EGFR: variants seen among roughly 807,000 people sequenced by gnomAD.
EGFR encodes the protein epidermal growth factor receptor.
A neutral mutation model predicts 143.0 loss-of-function variants in EGFR; 58 were observed. That is an observed-to-expected ratio of 0.41 (90% CI 0.33 to 0.50). The LOEUF is 0.50. Among genes scored for constraint, EGFR ranks in the 20% least tolerant of loss-of-function variants. The probability of loss-of-function intolerance (pLI) is 0.39; values close to 1 mark genes in which losing one functional copy is unlikely to be tolerated. For missense variants in EGFR, 1,307 were observed against 1,579.0 expected, an observed-to-expected ratio of 0.83 and a Z score of 2.92; for synonymous variants, 613 against 594.4, an observed-to-expected ratio of 1.03 and a Z score of -0.45.
intron 1 of EGFR, among the ~76,000 whole-genome samples, chr7:55,066,955 C>T (rs1789541206): frequency 6.6e-6 from 1 of 152,224 alleles, no homozygotes; most frequent in African/African-American, 2.4e-5. Context: ...GGATGCTGAG[C>T]TGGTCACTTG....
intron 27 of EGFR, among the ~76,000 whole-genome samples, chr7:55,204,550 A>G (rs1788022444): frequency 6.8e-6 from 1 of 146,078 alleles, no homozygotes; most frequent in Admixed American, 6.8e-5. Context: ...ATACACACAC[A>G]CATACACACC....
At chr7:55,120,814 C>T (rs1171045406) in intron 1 of EGFR, among the ~76,000 whole-genome samples, 1 of 152,200 alleles carries the variant, frequency 6.6e-6, no homozygotes, top group African/African-American at 2.4e-5. Flanking sequence ...CTGGTTACAG[C>T]ACCTACAGTT....
intron 20 of EGFR, 34 bp downstream of exon 20, chr7:55,181,512 T>C (rs748840712): frequency 1.2e-6 from 2 of 1,613,914 alleles, no homozygotes; most frequent in South Asian, 1.1e-5. Context: ...GGAGGGGAGA[T>C]AAGGAGCCAG....
chr7:55,163,429 A>C (rs751747747), intron 13 of EGFR, among the ~76,000 whole-genome samples: 12 of 152,222 alleles, frequency 7.9e-5, no homozygotes, highest in Non-Finnish European at 1.8e-4. Context: ...TATTAGAGGC[A>C]GGGAACACCT....
intron 13 of EGFR, among the ~76,000 whole-genome samples, chr7:55,162,934 G>A (rs1173012330): frequency 6.6e-6 from 1 of 152,324 alleles, no homozygotes; most frequent in East Asian, 1.9e-4. Context: ...GGAATTACAG[G>A]TGTGCACCAC....
chr7:55,030,952 C>A (rs188787487), intron 1 of EGFR, among the ~76,000 whole-genome samples: 20 of 152,108 alleles, frequency 1.3e-4, no homozygotes, highest in African/African-American at 4.8e-4. Flanking sequence ...CGGTGATGTG[C>A]CTCTCCCAGA....
rs960719850 is a variant in EGFR at position 55,039,850 on chromosome 7, T to C, written c.88+20485T>C. On this transcript the variant is annotated intron_variant, in intron 1 of 27. Transcript: ENST00000275493. ...TCAGCTGTTGATAATGAGGGAGCGC[T>C]GGGGAGAGAAATGGGGTCCTCTTTG... 4.6e-5 allele frequency among the ~76,000 whole-genome samples: 7 copies of C among 152,166 alleles called. 1 individual carries two copies. Among genetic ancestry groups the C allele is most frequent in the Middle Eastern group, 6.3e-3 (2 of 316 alleles).
chr7:55,145,445 C>G (rs1017934937), intron 3 of EGFR, among the ~76,000 whole-genome samples: 1 of 152,226 alleles, frequency 6.6e-6, no homozygotes. Context: ...TCTGTGCATC[C>G]ACTGAAGAAG....
rs2128927623 is a variant in EGFR, at chr7:55,143,499, G to A, written c.424+11G>A. ...TGAGAAATTTACAGGGTGAGAGGCTGGGATGCCAAGGCTGGGGGTTCATAA... is the reference window on the plus strand; with the variant it reads ...TGAGAAATTTACAGGGTGAGAGGCTAGGATGCCAAGGCTGGGGGTTCATAA... On this transcript the variant is annotated intron_variant, in intron 3 of 27. Transcript: ENST00000275493. 1 of 1,614,192 alleles carries A rather than the reference G, an allele frequency of 6.2e-7. No individual in the cohort carries two copies. The highest frequency in any genetic ancestry group is 8.5e-7 in the Non-Finnish European group (1 of 1,180,022).
In EGFR at chr7:55,019,214, A is replaced by T. The variant is rs2128853106; in HGVS notation, c.-64A>T. 1 of 1,307,844 alleles carries T rather than the reference A, an allele frequency of 7.6e-7. No individual in the cohort carries two copies. The highest frequency in any genetic ancestry group is 1.0e-6 in the Non-Finnish European group (1 of 977,540). 81.0% of individuals were successfully genotyped at this position (1,307,844 alleles called of 1,614,324 possible). On this transcript the variant is annotated 5_prime_UTR_variant, in exon 1 of 28. Transcript: ENST00000275493. ...GCCGCCAACGCCACAACCACCGCGC[A>T]CGGCCCCCTGACTCCGTCCAGTATT...
At chr7:55,134,789 T>A (rs775575428) in intron 1 of EGFR, among the ~76,000 whole-genome samples, 5 of 152,236 alleles carry the variant, frequency 3.3e-5, no homozygotes, top group Non-Finnish European at 7.3e-5. Context: ...ATTGCAATAG[T>A]TGCTGCCATG....
intron 4 of EGFR, among the ~76,000 whole-genome samples, chr7:55,147,088 C>T (rs17289693): frequency 0.01 from 1,534 of 152,344 alleles, 24 homozygotes; most frequent in African/African-American, 0.035. Context: ...CTCCTACATG[C>T]TTCTGAGTCT....
intron 1 of EGFR, among the ~76,000 whole-genome samples, chr7:55,066,255 A>G (rs979477851): frequency 2.0e-5 from 3 of 152,240 alleles, no homozygotes; most frequent in Admixed American, 2.0e-4. Flanking sequence ...AGTGAAAACT[A>G]AAAAATTAAT....
intron 1 of EGFR, among the ~76,000 whole-genome samples, chr7:55,093,151 G>T (rs1791229460): frequency 6.6e-6 from 1 of 152,180 alleles, no homozygotes; most frequent in Admixed American, 6.5e-5. Flanking sequence ...AAGAAAATAT[G>T]AGCTCAGGGG....
chr7:55,174,932 T>C, intron 19 of EGFR, 112 bp downstream of exon 19: 1 of 833,350 alleles, frequency 1.2e-6, no homozygotes, highest in Non-Finnish European at 2.0e-6. Flanking sequence ...ACATCCTAAA[T>C]GTTCACTTTC....
At chr7:55,106,482 G>A (rs1001270987) in intron 1 of EGFR, among the ~76,000 whole-genome samples, 5 of 152,170 alleles carry the variant, frequency 3.3e-5, no homozygotes, top group African/African-American at 1.2e-4. Context: ...AATGCAAAAT[G>A]GATCTGCTTT....
chr7:55,203,485 T>TA (rs913257471), intron 27 of EGFR, among the ~76,000 whole-genome samples: 3 of 129,982 alleles, frequency 2.3e-5, no homozygotes, highest in Non-Finnish European at 3.2e-5. Context: ...CACACATACA[T>TA]ACACACAGAC....
chr7:55,044,068 G>C (rs1368166957), intron 1 of EGFR: 1 of 152,090 alleles, frequency 6.6e-6, no homozygotes, highest in Non-Finnish European at 1.5e-5. Flanking sequence ...TTAGAAACTG[G>C]CTCCTTCACT....
At chr7:55,100,154 A>G (rs1791719632) in intron 1 of EGFR, among the ~76,000 whole-genome samples, 2 of 152,196 alleles carry the variant, frequency 1.3e-5, no homozygotes, top group African/African-American at 2.4e-5. Flanking sequence ...TTCAGCACGC[A>G]TCCTTTCTAC....
Sources: gnomAD v4.1 joint callset for allele counts (sites outside exome capture counted in the v4.1 genomes callset) on GRCh38, gnomAD v4.1.1 for gene constraint, MANE v1.5 for transcripts, NCBI Gene and HGNC (gene_info 2026-07-23, HGNC 2026-07-21) for gene names.